Variants in RBFOX1 observed in about 807,000 individuals in gnomAD.
The protein encoded by RBFOX1 is RNA binding fox-1 homolog 1, also known as RNA binding protein fox-1 homolog 1.
RBFOX1 carries 8 observed loss-of-function variants against 57.7 expected under a neutral mutation model. That is an observed-to-expected ratio of 0.14 (90% CI 0.08 to 0.25). RBFOX1 has a LOEUF of 0.25. Ranked by LOEUF, RBFOX1 falls within the 10% of genes least tolerant of loss-of-function variation. RBFOX1 has a pLI of 1.00. For missense variants in RBFOX1, 611 were observed against 548.5 expected, an observed-to-expected ratio of 1.11 and a Z score of -1.14; for synonymous variants, 326 against 222.4, an observed-to-expected ratio of 1.47 and a Z score of -4.15.
At chr16:7,429,215 A>G (rs1366154218) in intron 4 of RBFOX1, among the ~76,000 whole-genome samples, 1 of 152,222 alleles carries the variant, frequency 6.6e-6, no homozygotes, top group Non-Finnish European at 1.5e-5. Context: ...ACAGAGGCAC[A>G]GCAACATCCT....
intron 14 of RBFOX1, among the ~76,000 whole-genome samples, chr16:7,692,305 G>C (rs953621163): frequency 6.6e-6 from 1 of 152,050 alleles, no homozygotes; most frequent in African/African-American, 2.4e-5. Context: ...AAATTCTAGG[G>C]AATATTCAAA....
chr16:6,172,178 T>G (rs996407701), intron 1 of RBFOX1, among the ~76,000 whole-genome samples: 8 of 152,084 alleles, frequency 5.3e-5, no homozygotes, highest in African/African-American at 1.9e-4. Context: ...GACAAACCAG[T>G]GCTGAGAATG....
At chr16:6,073,988 G>A (rs780503285) in intron 1 of RBFOX1, among the ~76,000 whole-genome samples, 2 of 151,948 alleles carry the variant, frequency 1.3e-5, no homozygotes, top group Admixed American at 6.6e-5. Flanking sequence ...TCACTCTGTC[G>A]CCCAGAGTGG....
intron 4 of RBFOX1, among the ~76,000 whole-genome samples, chr16:5,908,008 C>G (rs2058503356): frequency 6.6e-6 from 1 of 151,544 alleles, no homozygotes; most frequent in South Asian, 2.1e-4. Context: ...TCTTCGGCCT[C>G]TGCAAGTGCT....
At chr16:5,794,547 A>G (rs1441967043) in intron 3 of RBFOX1, among the ~76,000 whole-genome samples, 1 of 152,082 alleles carries the variant, frequency 6.6e-6, no homozygotes, top group Non-Finnish European at 1.5e-5. Flanking sequence ...GCAGCCTTTC[A>G]GATTTGCTCA....
At chr16:5,847,757 G>A (rs547582773) in intron 3 of RBFOX1, among the ~76,000 whole-genome samples, 14 of 151,988 alleles carry the variant, frequency 9.2e-5, no homozygotes, top group Non-Finnish European at 1.6e-4. Flanking sequence ...CTCTCGGTCC[G>A]TGCAACAAAC....
intron 2 of RBFOX1, among the ~76,000 whole-genome samples, chr16:6,452,011 C>T (rs972400865): frequency 4.6e-5 from 7 of 151,222 alleles, no homozygotes; most frequent in East Asian, 3.9e-4. Context: ...TGGCTCCTTC[C>T]TTCCATGACT....
At chr16:7,241,792 T>C (rs1222915435) in intron 4 of RBFOX1, among the ~76,000 whole-genome samples, 2 of 151,842 alleles carry the variant, frequency 1.3e-5, no homozygotes, top group African/African-American at 4.8e-5. Flanking sequence ...TCAATCTGTC[T>C]ATAAATGTAG....
intron 4 of RBFOX1, among the ~76,000 whole-genome samples, chr16:7,278,036 A>G (rs1201071050): frequency 6.6e-6 from 1 of 152,186 alleles, no homozygotes; most frequent in African/African-American, 2.4e-5. Flanking sequence ...TCAATGCAGA[A>G]TAATGCTAGC....
chr16:5,723,101 A>C (rs1008574), intron 3 of RBFOX1, among the ~76,000 whole-genome samples: 63,622 of 152,040 alleles, frequency 0.42, 16,067 homozygotes, highest in East Asian at 0.8. Context: ...GTTTGCCATT[A>C]TCTTCCTTTT....
chr16:5,944,704 C>T (rs2059356737), intron 4 of RBFOX1, among the ~76,000 whole-genome samples: 1 of 148,960 alleles, frequency 6.7e-6, no homozygotes, highest in South Asian at 2.1e-4. Context: ...CCTGTAATCC[C>T]AGCACTTTGA....
chr16:7,639,317 C>A (rs1205899229), intron 11 of RBFOX1, among the ~76,000 whole-genome samples: 1 of 152,188 alleles, frequency 6.6e-6, no homozygotes, highest in Non-Finnish European at 1.5e-5. Context: ...CTGGACCCTT[C>A]CCATCAGGGA....
At chr16:6,269,737 A>G (rs2074978814) in intron 1 of RBFOX1, among the ~76,000 whole-genome samples, 1 of 152,224 alleles carries the variant, frequency 6.6e-6, no homozygotes, top group African/African-American at 2.4e-5. Context: ...AATGGCTGAA[A>G]GAAATTTTCT....
intron 3 of RBFOX1, among the ~76,000 whole-genome samples, chr16:6,912,340 C>A (rs1211852658): frequency 6.6e-6 from 1 of 152,102 alleles, no homozygotes; most frequent in African/African-American, 2.4e-5. Flanking sequence ...GTAATTTACA[C>A]TTCTAGCAAG....
At chr16:6,490,831 G>C (rs2153132018) in intron 2 of RBFOX1, among the ~76,000 whole-genome samples, 1 of 152,338 alleles carries the variant, frequency 6.6e-6, no homozygotes, top group South Asian at 2.1e-4. Context: ...TGAACAAAGA[G>C]AGCGAAGAGT....
At chr16:7,646,401 C>T (rs1429890649) in intron 11 of RBFOX1, among the ~76,000 whole-genome samples, 1 of 152,202 alleles carries the variant, frequency 6.6e-6, no homozygotes, top group Non-Finnish European at 1.5e-5. Context: ...CATCTGCACC[C>T]CCAGAATTGT....
At chr16:7,556,317 T>G (rs1373748333) in intron 5 of RBFOX1, among the ~76,000 whole-genome samples, 1 of 152,170 alleles carries the variant, frequency 6.6e-6, no homozygotes, top group African/African-American at 2.4e-5. Flanking sequence ...TCTGCTAGAT[T>G]TGCATGCTTC....
At chr16:6,781,687 C>G (rs1006613113) in intron 3 of RBFOX1, among the ~76,000 whole-genome samples, 2 of 151,982 alleles carry the variant, frequency 1.3e-5, no homozygotes, top group African/African-American at 4.8e-5. Flanking sequence ...CCATTTCTTC[C>G]AGATTTTCCA....
chr16:5,788,178 C>T (rs1010457628), intron 3 of RBFOX1, among the ~76,000 whole-genome samples: 3 of 152,196 alleles, frequency 2.0e-5, no homozygotes, highest in African/African-American at 7.2e-5. Flanking sequence ...CCCAGGACTG[C>T]ATCCTGAATA....
Sources: gnomAD v4.1 joint callset for allele counts (sites outside exome capture counted in the v4.1 genomes callset) on GRCh38, gnomAD v4.1.1 for gene constraint, MANE v1.5 for transcripts, NCBI Gene and HGNC (gene_info 2026-07-23, HGNC 2026-07-21) for gene names.